The following PLCH1 variants were observed in gnomAD, a reference collection of about 807,000 sequenced individuals.
PLCH1 encodes 1-phosphatidylinositol 4,5-bisphosphate phosphodiesterase eta-1.
PLCH1 carries 60 observed loss-of-function variants against 126.7 expected under a neutral mutation model. The ratio of observed to expected loss-of-function variants is 0.47; its 90% confidence interval spans 0.38 to 0.59. The LOEUF is 0.59. Among genes scored for constraint, PLCH1 ranks in the 20% least tolerant of loss-of-function variants. The probability of loss-of-function intolerance (pLI) is 0.00; values close to 1 mark genes in which losing one functional copy is unlikely to be tolerated. For missense variants in PLCH1, 1,723 were observed against 2,040.0 expected (o/e 0.84, Z 2.99); for synonymous variants, 719 against 734.9 (o/e 0.98, Z 0.35).
At chr3:155,692,179 T>A (rs901466295) in intron 2 of PLCH1, among the ~76,000 whole-genome samples, 18 of 152,332 alleles carry the variant, frequency 1.2e-4, no homozygotes, top group Admixed American at 1.0e-3. Flanking sequence ...GAAATAAATT[T>A]GTTACAAAAA....
At chr3:155,610,114 C>T (rs986778105) in intron 2 of PLCH1, among the ~76,000 whole-genome samples, 2 of 152,096 alleles carry the variant, frequency 1.3e-5, no homozygotes, top group Non-Finnish European at 2.9e-5. Flanking sequence ...AATCCCAGCA[C>T]TTTAGAAGGC....
chr3:155,626,768 C>CAAAAAA (rs71155058), intron 2 of PLCH1, among the ~76,000 whole-genome samples: 23 of 49,646 alleles, frequency 4.6e-4, no homozygotes, highest in Non-Finnish European at 5.6e-4. Flanking sequence ...GACTCCGTCT[C>CAAAAAA]AAAAAAAAAA....
chr3:155,621,525 A>G (rs1736495098), intron 2 of PLCH1, among the ~76,000 whole-genome samples: 1 of 152,242 alleles, frequency 6.6e-6, no homozygotes, highest in Admixed American at 6.5e-5. Context: ...AAAAGGTTAG[A>G]CGAATTGCTA....
At chr3:155,668,970 G>C (rs1743091343) in intron 2 of PLCH1, among the ~76,000 whole-genome samples, 1 of 152,116 alleles carries the variant, frequency 6.6e-6, no homozygotes, top group African/African-American at 2.4e-5. Context: ...TTCTTCCTTT[G>C]TCCCCTTGTG....
intron 2 of PLCH1, among the ~76,000 whole-genome samples, chr3:155,667,783 G>A (rs1742896825): frequency 6.6e-6 from 1 of 151,540 alleles, no homozygotes; most frequent in Non-Finnish European, 1.5e-5. Flanking sequence ...GAGTCACGTT[G>A]GCCAAGCGCG....
rs565371327 is a variant in PLCH1 at position 155,637,260 on chromosome 3, C to T, written c.80-40882G>A. On this transcript the variant is annotated intron_variant, in intron 2 of 22. Transcript: ENST00000460012. Reference sequence around the variant, plus strand: ...ACTGACTAGGATAAATTAATGAGCCCTCAGTCAGAGGTCCATTTCCCTGTG... The same window carrying T: ...ACTGACTAGGATAAATTAATGAGCCTTCAGTCAGAGGTCCATTTCCCTGTG... Among the ~76,000 whole-genome samples the T allele has an allele frequency of 3.2e-4, 49 of 152,266 alleles. 1 individual carries two copies. The South Asian group carries it at 0.01, about 32-fold the overall frequency.
chr3:155,667,086 A>G (rs1742814393), intron 2 of PLCH1, among the ~76,000 whole-genome samples: 1 of 152,340 alleles, frequency 6.6e-6, no homozygotes, highest in Admixed American at 6.5e-5. Flanking sequence ...TGAAGTGCAC[A>G]GAATCCATAT....
At chr3:155,580,310 T>G (rs1208829561) in intron 6 of PLCH1, among the ~76,000 whole-genome samples, 1 of 152,202 alleles carries the variant, frequency 6.6e-6, no homozygotes, top group African/African-American at 2.4e-5. Flanking sequence ...CACCAAATAC[T>G]TTGTACTTTT....
chr3:155,583,357 G>T, intron 6 of PLCH1, 115 bp downstream of exon 6: 1 of 778,936 alleles, frequency 1.3e-6, no homozygotes. Context: ...TTGTGAACTA[G>T]TGATATTTAC....
intron 21 of PLCH1, among the ~76,000 whole-genome samples, chr3:155,458,479 A>G (rs1455302315): frequency 1.8e-5 from 2 of 110,330 alleles, no homozygotes; most frequent in African/African-American, 1.6e-4. Flanking sequence ...AGAAAGAAAG[A>G]AAGAAAGAAA....
chr3:155,741,689 T>TTTTTTTTTTATTTTTATTTTA (rs1559977193), intron 1 of PLCH1, among the ~76,000 whole-genome samples: 48 of 117,398 alleles, frequency 4.1e-4, no homozygotes, highest in Non-Finnish European at 6.6e-4. Context: ...ATCCTCTTTT[T>TTTTTTTTTTATTTTTATTTTA]TTTTTTTTTT....
chr3:155,604,768 G>A (rs141829540), intron 2 of PLCH1, among the ~76,000 whole-genome samples: 1 of 152,282 alleles, frequency 6.6e-6, no homozygotes, highest in African/African-American at 2.4e-5. Context: ...AGAGAAAGGA[G>A]ACCCTAAACT....
intron 2 of PLCH1, among the ~76,000 whole-genome samples, chr3:155,622,946 T>G (rs181732248): frequency 5.3e-5 from 8 of 152,224 alleles, no homozygotes; most frequent in South Asian, 2.1e-4. Flanking sequence ...CCACCCCAAA[T>G]CGACAGAATA....
chr3:155,586,299 G>T, intron 4 of PLCH1, 105 bp from the exon 5 acceptor site: 1 of 1,205,782 alleles, frequency 8.3e-7, no homozygotes, highest in Admixed American at 2.1e-5. Context: ...AACTTGAGAA[G>T]AAATTATTTT....
intron 2 of PLCH1, among the ~76,000 whole-genome samples, chr3:155,680,084 T>A (rs1423026261): frequency 6.6e-6 from 1 of 151,984 alleles, no homozygotes; most frequent in Admixed American, 6.6e-5. Flanking sequence ...AAAAAATAAA[T>A]AAATAAATAA....
chr3:155,458,000 G>T (rs1388565546), intron 21 of PLCH1, among the ~76,000 whole-genome samples: 1 of 152,124 alleles, frequency 6.6e-6, no homozygotes, highest in African/African-American at 2.4e-5. Flanking sequence ...TTCATAATCT[G>T]CCAGAGGGGA....
rs509503 is a variant in PLCH1, at chr3:155,542,380, T to A, written c.1362+7407A>T. 2.7e-4 allele frequency among the ~76,000 whole-genome samples: 41 copies of A among 152,240 alleles called. 1 individual carries two copies. Among genetic ancestry groups the A allele is most frequent in the East Asian group, 9.7e-4 (5 of 5,158 alleles). ...GCTTGCTTAGGTAAACAAAGCAGCC[T>A]GGAAGCTCGAACTGGGTGGAGCCCA... On this transcript the variant is annotated intron_variant, in intron 10 of 22. Transcript: ENST00000460012.
rs1741866781 is a variant in PLCH1 at position 155,659,467 on chromosome 3, G to T, written c.79+44679C>A. Among the ~76,000 whole-genome samples the T allele has an allele frequency of 2.0e-5, 3 of 151,142 alleles. No individual in the cohort carries two copies. In the South Asian group the frequency reaches 6.3e-4, roughly 32 times the overall value. ...AGCCTCCAGAGCAGCTCAGAGTACAGACTAATGCCATCAGGTCTGGCTCAT... is the reference window on the plus strand; with the variant it reads ...AGCCTCCAGAGCAGCTCAGAGTACATACTAATGCCATCAGGTCTGGCTCAT... On this transcript the variant is annotated intron_variant, in intron 2 of 22. Coordinates refer to ENST00000460012, the MANE Select transcript of PLCH1 (RefSeq NM_014996.4).
In PLCH1 at chr3:155,488,725, T is replaced by C; in HGVS notation, c.2474A>G (p.Asp825Gly). Reference sequence around the variant, plus strand: ...AAAGTCTCGTCCAATGGGATCGTGATCCCACACAAGGAACCGAACCAAAGC... The same window carrying C: ...AAAGTCTCGTCCAATGGGATCGTGACCCCACACAAGGAACCGAACCAAAGC... ...EIALVRFLVW[D>G]HDPIGRDFVG... The change falls in exon 20 of 23, where the codon GAT (aspartate) becomes GGT (glycine). Residue 825 changes from aspartate to glycine, a missense_variant. Asp to Gly is a moderately conservative substitution (Grantham distance 94, BLOSUM62 -1). Coordinates refer to ENST00000460012, the MANE Select transcript of PLCH1 (RefSeq NM_014996.4). 1 of 1,614,074 alleles carries C rather than the reference T, an allele frequency of 6.2e-7. No individual in the cohort carries two copies. The highest frequency in any genetic ancestry group is 8.5e-7 in the Non-Finnish European group (1 of 1,179,976).
Sources: gnomAD v4.1 joint callset for allele counts (sites outside exome capture counted in the v4.1 genomes callset) on GRCh38, gnomAD v4.1.1 for gene constraint, MANE v1.5 for transcripts, NCBI Gene and HGNC (gene_info 2026-07-23, HGNC 2026-07-21) for gene names.